Variants in CCN6 observed in about 807,000 individuals in gnomAD.
CCN6 encodes CCN family member 6.
CCN6 carries 31 observed loss-of-function variants against 37.4 expected under a neutral mutation model. The ratio of observed to expected loss-of-function variants is 0.83; its 90% CI spans 0.62 to 1.12. CCN6 has a LOEUF of 1.12. Ranked by LOEUF, CCN6 falls within the 50% of genes most tolerant of loss-of-function variation. CCN6 has a pLI of 0.00. For synonymous variants in CCN6, 137 were observed against 142.1 expected, an observed-to-expected ratio of 0.96 and a Z score of 0.26; for missense variants, 369 against 413.8, an observed-to-expected ratio of 0.89 and a Z score of 0.94.
At chr6:112,060,858 A>G in intron 1 of CCN6, 133 bp from the exon 2 acceptor site, 3 of 1,048,882 alleles carry the variant, frequency 2.9e-6, no homozygotes, top group Non-Finnish European at 4.3e-6. Flanking sequence ...ATTGTGTCAA[A>G]TGCTGATAGG....
At chr6:112,067,266 T>C (rs920770276) in intron 3 of CCN6, among the ~76,000 whole-genome samples, 1 of 152,080 alleles carries the variant, frequency 6.6e-6, no homozygotes, top group Non-Finnish European at 1.5e-5. Flanking sequence ...ATCACAACCA[T>C]ACTCCCAAAG....
At chr6:112,053,974 A>G, upstream of CCN6, 1 of 403,078 alleles carries the variant, frequency 2.5e-6, no homozygotes, top group South Asian at 2.1e-5. Context: ...AGGGCAAGGA[A>G]GGGAATGACG....
chr6:112,069,326 T>A lies in CCN6; in HGVS notation c.784-13T>A. 6.2e-7 allele frequency: 1 copy of A among 1,611,710 alleles called. No individual in the cohort carries two copies. The highest frequency in any genetic ancestry group is 1.1e-5 in the South Asian group (1 of 90,982). ...AAATTTAAAGAATGACTTCATTTTATCTATCTTTTCAGATTCCCAAAGGAA... is the reference window on the plus strand; with the variant it reads ...AAATTTAAAGAATGACTTCATTTTAACTATCTTTTCAGATTCCCAAAGGAA... On this transcript the variant is annotated splice_polypyrimidine_tract_variant and intron_variant, in intron 4 of 4. Coordinates refer to ENST00000368666, the MANE Select transcript of CCN6 (RefSeq NM_198239.2).
intron 2 of CCN6, among the ~76,000 whole-genome samples, chr6:112,063,571 T>C (rs1776590437): frequency 6.6e-6 from 1 of 152,210 alleles, no homozygotes; most frequent in African/African-American, 2.4e-5. Flanking sequence ...AGTCTACATA[T>C]TGGATAAATA....
Position 112,069,534 on chromosome 6 carries a change from T to C in CCN6, c.979T>C (p.Trp327Arg). Residue 327 changes from tryptophan (W) to arginine (R), a missense_variant, in exon 5 of 5, where the codon TGG (tryptophan) becomes CGG (arginine). By Grantham distance (101) the Trp-to-Arg change is moderately radical (BLOSUM62 -3). Coordinates refer to ENST00000368666, the MANE Select transcript of CCN6 (RefSeq NM_198239.2). ...TTGCCCAAATGAGGGGTCATTTAAA[T>C]GGAAGATGCTGTGGATTACATCTTG... Reference protein sequence around the residue: ...FDCPNEGSFKWKMLWITSCVC... With the variant: ...FDCPNEGSFKRKMLWITSCVC... The C allele has an allele frequency of 6.2e-7, 1 of 1,613,708 alleles. No homozygotes were observed. The highest frequency in any genetic ancestry group is 8.5e-7 in the Non-Finnish European group (1 of 1,179,778).
rs1776806956 is a variant in CCN6 at position 112,069,378 on chromosome 6, T to C, written c.823T>C (p.Ser275Pro). The change falls in exon 5 of 5, where the codon TCC (serine) becomes CCC (proline). Residue 275 changes from serine to proline, a missense_variant. Ser to Pro is a moderately conservative substitution (Grantham distance 74, BLOSUM62 -1). Transcript: ENST00000368666. ...GKTCQPTFQL[S>P]KAEKFVFSGC... ...AACATGCCAACCTACTTTCCAACTC[T>C]CCAAAGCTGAAAAATTTGTCTTTTC... 4 of 1,613,616 alleles carry C rather than the reference T, an allele frequency of 2.5e-6. No homozygotes were observed. Among genetic ancestry groups the C allele is most frequent in the Non-Finnish European group, 3.4e-6 (4 of 1,179,862 alleles).
intron 4 of CCN6, 26 bp from the exon 5 acceptor site, chr6:112,069,313 T>C: frequency 6.2e-7 from 1 of 1,608,492 alleles, no homozygotes; most frequent in Non-Finnish European, 8.5e-7. Context: ...ATTTAAAGAA[T>C]GACTTCATTT....
intron 4 of CCN6, among the ~76,000 whole-genome samples, 178 bp downstream of exon 4, chr6:112,068,576 A>C (rs1776770441): frequency 6.6e-6 from 1 of 152,140 alleles, no homozygotes; most frequent in African/African-American, 2.4e-5. Flanking sequence ...TGTTGTGGGG[A>C]AAATTTTACC....
At chr6:112,063,957 G>C (rs927508838) in intron 2 of CCN6, among the ~76,000 whole-genome samples, 3 of 152,134 alleles carry the variant, frequency 2.0e-5, no homozygotes, top group Non-Finnish European at 4.4e-5. Flanking sequence ...TGATGATTAA[G>C]ATTTAATAAA....
At chr6:112,060,173 GA>G in intron 1 of CCN6, 1 of 1,307,732 alleles carries the variant, frequency 7.6e-7, no homozygotes, top group Non-Finnish European at 1.0e-6. Context: ...ATTTTACATG[GA>G]AATGGGAGGC....
At chr6:112,062,388 T>A (rs1388900891) in intron 2 of CCN6, among the ~76,000 whole-genome samples, 9 of 152,218 alleles carry the variant, frequency 5.9e-5, no homozygotes, top group Admixed American at 5.9e-4. Flanking sequence ...GCAGGTTATT[T>A]CATTAAACCA....
intron 1 of CCN6, among the ~76,000 whole-genome samples, chr6:112,060,377 G>A (rs115236264): frequency 1.1e-4 from 17 of 152,128 alleles, no homozygotes; most frequent in Non-Finnish European, 2.2e-4. Flanking sequence ...ATCAAGGTGG[G>A]TATTTTTAAA....
At chr6:112,053,473 C>CTT (rs1308722373), upstream of CCN6, among the ~76,000 whole-genome samples, 1 of 139,870 alleles carries the variant, frequency 7.1e-6, no homozygotes, top group Non-Finnish European at 1.6e-5. Flanking sequence ...ATTTTTGTGT[C>CTT]TTTTTTTTTT....
intron 1 of CCN6, among the ~76,000 whole-genome samples, chr6:112,056,630 C>T (rs1776356180): frequency 6.6e-6 from 1 of 152,186 alleles, no homozygotes; most frequent in Non-Finnish European, 1.5e-5. Flanking sequence ...ATTCTCCTGT[C>T]TCAGCCTCCT....
chr6:112,067,831 T>G (rs1390737020), intron 3 of CCN6, among the ~76,000 whole-genome samples: 1 of 152,160 alleles, frequency 6.6e-6, no homozygotes, highest in Non-Finnish European at 1.5e-5. Flanking sequence ...TCCCTAATTT[T>G]TATTTCAATG....
At chr6:112,066,844 G>C in intron 3 of CCN6, 1 of 694,476 alleles carries the variant, frequency 1.4e-6, no homozygotes, top group Non-Finnish European at 2.1e-6. Flanking sequence ...ACTAAGCTTT[G>C]TTTAAAAAAT....
chr6:112,065,778 A>T (rs1031030900), intron 3 of CCN6, among the ~76,000 whole-genome samples: 11 of 152,162 alleles, frequency 7.2e-5, no homozygotes, highest in African/African-American at 2.7e-4. Context: ...GTATACTTAT[A>T]AACCTTGTAT....
At chr6:112,057,979 A>G (rs1776397347) in intron 1 of CCN6, among the ~76,000 whole-genome samples, 1 of 152,186 alleles carries the variant, frequency 6.6e-6, no homozygotes, top group African/African-American at 2.4e-5. Flanking sequence ...GGGTTCACGG[A>G]TGTGAGACCA....
chr6:112,056,625 C>T lies in CCN6; in HGVS notation c.48+2220C>T, dbSNP rs188655052. Among the ~76,000 whole-genome samples, 252 of 152,294 alleles carry T rather than the reference C, an allele frequency of 1.7e-3. 1 individual carries two copies. Among genetic ancestry groups the T allele is most frequent in the Non-Finnish European group, 2.8e-3 (193 of 68,018 alleles). On this transcript the variant is annotated intron_variant, in intron 1 of 4. Transcript: ENST00000368666. ...CTGCCTTCTGGGTTCAAGCGATTCT[C>T]CTGTCTCAGCCTCCTGAGTAGCTGG...
Sources: gnomAD v4.1 joint callset for allele counts (sites outside exome capture counted in the v4.1 genomes callset) on GRCh38, gnomAD v4.1.1 for gene constraint, MANE v1.5 for transcripts, NCBI Gene and HGNC (gene_info 2026-07-23, HGNC 2026-07-21) for gene names.